PTPRR: variants seen among roughly 807,000 people sequenced by gnomAD.
The protein encoded by PTPRR is protein tyrosine phosphatase receptor type R.
A neutral mutation model predicts 77.2 loss-of-function variants in PTPRR; 38 were observed. That is an observed-to-expected ratio of 0.49 (90% confidence interval 0.38 to 0.65). The LOEUF (loss-of-function observed/expected upper bound fraction) is 0.65, where lower values mean the gene tolerates loss of function less well. Ranked by LOEUF, PTPRR falls within the 30% of genes least tolerant of loss-of-function variation. The pLI is 0.00. For synonymous variants in PTPRR, 299 were observed against 283.1 expected, an observed-to-expected ratio of 1.06 and a Z score of -0.57; for missense variants, 744 against 799.2, an observed-to-expected ratio of 0.93 and a Z score of 0.83.
intron 9 of PTPRR, 83 bp from the exon 10 acceptor site, chr12:70,684,347 A>C (rs2136734225): frequency 1.4e-6 from 2 of 1,455,556 alleles, no homozygotes; most frequent in South Asian, 1.3e-5. Context: ...CTTCAACGAA[A>C]TAGCTGGGCT....
At chr12:70,797,892 A>T (rs1178112389) in intron 2 of PTPRR, among the ~76,000 whole-genome samples, 3 of 151,558 alleles carry the variant, frequency 2.0e-5, no homozygotes, top group African/African-American at 7.3e-5. Context: ...TACTCTTTCT[A>T]TTTTTTATAC....
At position 70,721,765 on chromosome 12, in the gene PTPRR, G is replaced by A. The variant is rs184633821; in HGVS notation, c.1008-20442C>T. ...GCCTAGCTTTTCTATGGAAGATACCGTAGTGAACAAATAAACAAAGTGGAT... is the reference window on the plus strand; with the variant it reads ...GCCTAGCTTTTCTATGGAAGATACCATAGTGAACAAATAAACAAAGTGGAT... On this transcript the variant is annotated intron_variant, in intron 6 of 13. Transcript: ENST00000283228. 7.9e-5 allele frequency among the ~76,000 whole-genome samples: 12 copies of A among 152,218 alleles called. 1 individual carries two copies. Among genetic ancestry groups the A allele is most frequent in the East Asian group, 1.9e-4 (1 of 5,164 alleles).
chr12:70,661,077 A>C lies in PTPRR; in HGVS notation c.1629T>G (p.His543Gln), dbSNP rs769627241. The C allele has an allele frequency of 6.2e-7, 1 of 1,611,670 alleles. No individual in the cohort carries two copies. The highest frequency in any genetic ancestry group is 8.5e-7 in the Non-Finnish European group (1 of 1,178,736). ...ATGAGGTGTACCAGTAATGCTTCAC[A>C]TGTTGGGTGTGGCTTCCTTGCTGAA... ...LVLKQGSHTQ[H>Q]VKHYWYTSWP... Residue 543 changes from histidine (H) to glutamine (Q), a missense_variant, in exon 12 of 14, where the codon CAT (histidine) becomes CAG (glutamine). His to Gln is a conservative substitution (Grantham distance 24, BLOSUM62 0). Coordinates refer to ENST00000283228, the MANE Select transcript of PTPRR (RefSeq NM_002849.4).
intron 2 of PTPRR, among the ~76,000 whole-genome samples, chr12:70,819,554 A>G (rs1188843497): frequency 1.2e-4 from 19 of 152,328 alleles, no homozygotes; most frequent in Non-Finnish European, 1.5e-5. Context: ...AAAATGTCTC[A>G]TAAGATGTAG....
intron 2 of PTPRR, among the ~76,000 whole-genome samples, chr12:70,772,100 C>G (rs1380974483): frequency 6.6e-6 from 1 of 152,130 alleles, no homozygotes; most frequent in Non-Finnish European, 1.5e-5. Flanking sequence ...AAGTAGTTTA[C>G]TGTATGTATT....
At chr12:70,889,602 A>C (rs1893299220) in intron 2 of PTPRR, among the ~76,000 whole-genome samples, 1 of 152,088 alleles carries the variant, frequency 6.6e-6, no homozygotes, top group Non-Finnish European at 1.5e-5. Flanking sequence ...CAAGACAAGA[A>C]ATTTTAGGAT....
chr12:70,769,684 A>G (rs1029991639), intron 2 of PTPRR, among the ~76,000 whole-genome samples: 1 of 151,996 alleles, frequency 6.6e-6, no homozygotes, highest in Non-Finnish European at 1.5e-5. Flanking sequence ...GGAACCAAAA[A>G]AGAGCCCGCA....
intron 2 of PTPRR, among the ~76,000 whole-genome samples, chr12:70,868,429 T>A (rs1158509968): frequency 6.6e-6 from 1 of 151,334 alleles, no homozygotes; most frequent in Non-Finnish European, 1.5e-5. Context: ...AAAAGACACA[T>A]GAAAAAATGC....
Position 70,645,834 on chromosome 12 carries a change from A to T in PTPRR, c.1881-6557T>A, listed in dbSNP as rs554146464. 1.3e-4 allele frequency among the ~76,000 whole-genome samples: 19 copies of T among 151,752 alleles called. No individual in the cohort carries two copies. In the East Asian group the frequency reaches 3.3e-3, roughly 26 times the overall value. On this transcript the variant is annotated intron_variant, in intron 13 of 13. Coordinates refer to ENST00000283228, the MANE Select transcript of PTPRR (RefSeq NM_002849.4). ...AACTCAGGTTAGAAAGGGAAAAAAA[A>T]ATGTAGTTTTTTCCCTTTGCTACTG... is the stretch of plus-strand genomic sequence containing the variant.
At chr12:70,804,383 C>T (rs1592766430) in intron 2 of PTPRR, among the ~76,000 whole-genome samples, 5 of 151,996 alleles carry the variant, frequency 3.3e-5, no homozygotes, top group Admixed American at 3.3e-4. Context: ...TGGCAAAACC[C>T]TGTCTCTACC....
intron 2 of PTPRR, among the ~76,000 whole-genome samples, chr12:70,823,819 C>T (rs776476016): frequency 2.0e-5 from 3 of 152,124 alleles, no homozygotes; most frequent in African/African-American, 4.8e-5. Context: ...CAGTGAGGGC[C>T]GAACTAGATA....
chr12:70,821,880 G>A (rs1892021001), intron 2 of PTPRR, among the ~76,000 whole-genome samples: 1 of 151,820 alleles, frequency 6.6e-6, no homozygotes, highest in Non-Finnish European at 1.5e-5. Context: ...TAGCCAGGAT[G>A]GTCTTGATCT....
At chr12:70,805,916 G>A (rs766108373) in intron 2 of PTPRR, among the ~76,000 whole-genome samples, 5 of 152,310 alleles carry the variant, frequency 3.3e-5, no homozygotes, top group Admixed American at 6.5e-5. Flanking sequence ...TTATGTATAT[G>A]TATTTCATAT....
intron 5 of PTPRR, among the ~76,000 whole-genome samples, chr12:70,753,045 T>A (rs1249384053): frequency 6.6e-6 from 1 of 152,192 alleles, no homozygotes; most frequent in Non-Finnish European, 1.5e-5. Context: ...TTTTTCTTAA[T>A]GCTTGACCCA....
At chr12:70,654,804 A>G (rs1321680762) in intron 13 of PTPRR, among the ~76,000 whole-genome samples, 2 of 152,212 alleles carry the variant, frequency 1.3e-5, no homozygotes, top group Non-Finnish European at 2.9e-5. Flanking sequence ...ATTAGTAAAC[A>G]TTTGTTGTTT....
chr12:70,714,747 G>A (rs761418822), intron 6 of PTPRR, among the ~76,000 whole-genome samples: 58 of 152,152 alleles, frequency 3.8e-4, no homozygotes, highest in Non-Finnish European at 7.3e-4. Flanking sequence ...CACTTTGGGA[G>A]GCTGAGGCGG....
intron 2 of PTPRR, among the ~76,000 whole-genome samples, chr12:70,875,896 T>C (rs1893043357): frequency 6.6e-6 from 1 of 152,254 alleles, no homozygotes; most frequent in Admixed American, 6.5e-5. Context: ...TCCAAGTAAC[T>C]GATACACATG....
At chr12:70,844,586 G>C (rs1168688945) in intron 2 of PTPRR, among the ~76,000 whole-genome samples, 1 of 152,150 alleles carries the variant, frequency 6.6e-6, no homozygotes, top group Non-Finnish European at 1.5e-5. Context: ...GGAGATGTTG[G>C]TCAAGGGCAC....
At chr12:70,668,376 T>C (rs888959882) in intron 10 of PTPRR, among the ~76,000 whole-genome samples, 1 of 152,088 alleles carries the variant, frequency 6.6e-6, no homozygotes, top group Non-Finnish European at 1.5e-5. Flanking sequence ...TGTAATGGGG[T>C]TTACAAATAT....
Sources: allele counts gnomAD v4.1 joint callset (sites outside exome capture counted in the v4.1 genomes callset), GRCh38; gene constraint gnomAD v4.1.1; transcripts MANE v1.5; gene names NCBI Gene and HGNC (gene_info 2026-07-23, HGNC 2026-07-21).